Variants in PTPRT observed in about 807,000 individuals in gnomAD.
PTPRT encodes the protein protein tyrosine phosphatase receptor type T.
A neutral mutation model predicts 176.8 loss-of-function variants in PTPRT; 56 were observed. The ratio of observed to expected loss-of-function variants is 0.32; its 90% CI spans 0.26 to 0.40. The LOEUF (loss-of-function observed/expected upper bound fraction) is 0.40, where lower values mean the gene tolerates loss of function less well. Ranked by LOEUF, PTPRT falls within the 10% of genes least tolerant of loss-of-function variation. PTPRT has a pLI of 1.00. For synonymous variants in PTPRT, 783 were observed against 739.0 expected (o/e 1.06, Z -0.96); for missense variants, 1,540 against 1,908.2 (o/e 0.81, Z 3.60).
At chr20:42,243,937 T>C (rs1285792740) in intron 14 of PTPRT, among the ~76,000 whole-genome samples, 2 of 152,222 alleles carry the variant, frequency 1.3e-5, no homozygotes, top group African/African-American at 4.8e-5. Context: ...TGAGCATTGA[T>C]TGCAACCCTG....
At chr20:42,614,082 G>A (rs2074021698) in intron 7 of PTPRT, among the ~76,000 whole-genome samples, 1 of 152,084 alleles carries the variant, frequency 6.6e-6, no homozygotes, top group Non-Finnish European at 1.5e-5. Context: ...GGATTCCTTT[G>A]AAGGGCTGTG....
chr20:42,489,501 CCTGA>C (rs1200283168), intron 7 of PTPRT, among the ~76,000 whole-genome samples: 6 of 140,782 alleles, frequency 4.3e-5, no homozygotes, highest in Admixed American at 2.0e-4. Context: ...CCTAGCCTAT[CCTGA>C]CTTTTTTTTT....
In PTPRT at chr20:42,315,184, C is replaced by CAAAAAAAAAAAA. The variant is rs71193656; in HGVS notation, c.2139+527_2139+538dup. On this transcript the variant is annotated intron_variant, in intron 12 of 30. Coordinates refer to ENST00000373187, the MANE Select transcript of PTPRT (RefSeq NM_007050.6). ...TGGGCGACAGAGCGAGGCTCCGTCT[C>CAAAAAAAAAAAA]AAAAAAAAAAAAAAAAAAAAAAAAA... 1.6e-4 allele frequency among the ~76,000 whole-genome samples: 10 copies of CAAAAAAAAAAAA among 63,390 alleles called. No individual in the cohort carries two copies. The South Asian group carries it at 3.3e-3, about 21-fold the overall frequency. 41.6% of individuals were successfully genotyped at this position (63,390 alleles called of 152,430 possible). A position where few individuals can be genotyped will look rare whatever the true frequency, so the allele number is the denominator to read the frequency against.
chr20:42,186,594 C>A (rs1032102836), intron 16 of PTPRT, among the ~76,000 whole-genome samples: 3 of 151,914 alleles, frequency 2.0e-5, no homozygotes, highest in Admixed American at 6.6e-5. Flanking sequence ...AAGGACAAGA[C>A]CTGTATGTGA....
Position 43,023,244 on chromosome 20 carries a change from T to C in PTPRT, c.89-137312A>G, listed in dbSNP as rs142361301. ...AGCCCACTCCCCAAACAAGGTAGATTGCTCAGCCTCTGTGACTTGAAAAAC... is the reference window on the plus strand; with the variant it reads ...AGCCCACTCCCCAAACAAGGTAGATCGCTCAGCCTCTGTGACTTGAAAAAC... On this transcript the variant is annotated intron_variant, in intron 1 of 30. Coordinates refer to ENST00000373187, the MANE Select transcript of PTPRT (RefSeq NM_007050.6). 5.4e-3 allele frequency among the ~76,000 whole-genome samples: 824 copies of C among 152,318 alleles called. 12 individuals are homozygous for C. The highest frequency in any genetic ancestry group is 0.019 in the African/African-American group (776 of 41,558).
Position 42,084,681 on chromosome 20 carries a change from C to T in PTPRT, c.4136+1G>A. The stretch of plus-strand genomic sequence containing the variant: ...CCTGGTGACACCTCCCTAGTACTCA[C>T]AGGCAGTGGACCACAGTACGTCCCT... On this transcript the variant is annotated splice_donor_variant, in intron 29 of 30. Coordinates refer to ENST00000373187, the MANE Select transcript of PTPRT (RefSeq NM_007050.6). LOFTEE classifies it high-confidence loss of function. The T allele has an allele frequency of 6.6e-7, 1 of 1,507,010 alleles. No homozygotes were observed. The highest frequency in any genetic ancestry group is 8.9e-7 in the Non-Finnish European group (1 of 1,118,506). The allele number at this position is 1,507,010 out of a possible 1,614,324, so 93.4% of individuals were successfully genotyped here. A position where few individuals can be genotyped will look rare whatever the true frequency, so the allele number is the denominator to read the frequency against.
Position 42,569,998 on chromosome 20 carries a change from C to T in PTPRT, c.1154-97436G>A, listed in dbSNP as rs146257825. On this transcript the variant is annotated intron_variant, in intron 7 of 30. Transcript: ENST00000373187. Reference sequence around the variant, plus strand: ...GACCAGAAGGTTTAAGTAACTTGCCCAACATTTTATAGAAAGAATGAAGCT... The same window carrying T: ...GACCAGAAGGTTTAAGTAACTTGCCTAACATTTTATAGAAAGAATGAAGCT... Among the ~76,000 whole-genome samples, 306 of 152,226 alleles carry T rather than the reference C, an allele frequency of 2.0e-3. 2 individuals carry two copies. The highest frequency in any genetic ancestry group is 6.3e-3 in the African/African-American group (260 of 41,528).
In PTPRT at chr20:42,975,245, A is replaced by G. The variant is rs540072838; in HGVS notation, c.89-89313T>C. Among the ~76,000 whole-genome samples, 7 of 152,352 alleles carry G rather than the reference A, an allele frequency of 4.6e-5. No individual in the cohort carries two copies. The South Asian group carries it at 1.5e-3, about 32-fold the overall frequency. On this transcript the variant is annotated intron_variant, in intron 1 of 30. Coordinates refer to ENST00000373187, the MANE Select transcript of PTPRT (RefSeq NM_007050.6). Reference sequence around the variant, plus strand: ...TGCAGCCACTCAAAGCTATTTTTACAAAGAGTTTTTAATAACATGAGAGAA... The same window carrying G: ...TGCAGCCACTCAAAGCTATTTTTACGAAGAGTTTTTAATAACATGAGAGAA...
chr20:42,948,462 A>G (rs1981026856), intron 1 of PTPRT, among the ~76,000 whole-genome samples: 1 of 152,182 alleles, frequency 6.6e-6, no homozygotes, highest in Admixed American at 6.5e-5. Flanking sequence ...AGGGATGGTC[A>G]TGTGGCCCAA....
intron 7 of PTPRT, among the ~76,000 whole-genome samples, chr20:42,581,786 T>C (rs551003619): frequency 6.6e-6 from 1 of 152,278 alleles, no homozygotes; most frequent in South Asian, 2.1e-4. Context: ...GTTTAAAACA[T>C]CGCAATTGTA....
At chr20:43,039,435 A>G (rs897261326) in intron 1 of PTPRT, among the ~76,000 whole-genome samples, 7 of 151,996 alleles carry the variant, frequency 4.6e-5, no homozygotes, top group African/African-American at 1.7e-4. Flanking sequence ...TAAATTTATA[A>G]AAGGAAGAGA....
intron 7 of PTPRT, among the ~76,000 whole-genome samples, chr20:42,582,621 GCA>G (rs753954209): frequency 3.3e-5 from 5 of 152,106 alleles, no homozygotes; most frequent in Admixed American, 2.6e-4. Flanking sequence ...TTCAAAATTT[GCA>G]CAGAGACTCC....
chr20:43,009,663 G>A (rs577276818), intron 1 of PTPRT, among the ~76,000 whole-genome samples: 1 of 152,286 alleles, frequency 6.6e-6, no homozygotes, highest in Non-Finnish European at 1.5e-5. Flanking sequence ...GTGACGCGTA[G>A]GCAGGAAAGT....
At chr20:42,635,343 T>G (rs759152234) in intron 7 of PTPRT, among the ~76,000 whole-genome samples, 1 of 152,038 alleles carries the variant, frequency 6.6e-6, no homozygotes, top group Non-Finnish European at 1.5e-5. Flanking sequence ...TATTTTAAAT[T>G]CCATGCAATG....
intron 16 of PTPRT, among the ~76,000 whole-genome samples, chr20:42,170,246 T>C (rs1990020799): frequency 6.6e-6 from 1 of 152,240 alleles, no homozygotes; most frequent in African/African-American, 2.4e-5. Context: ...ACTCTAACAC[T>C]TGACTTCCTG....
At chr20:42,527,829 A>T (rs111522593) in intron 7 of PTPRT, among the ~76,000 whole-genome samples, 2 of 152,370 alleles carry the variant, frequency 1.3e-5, no homozygotes, top group African/African-American at 4.8e-5. Context: ...CAGCTTTCCA[A>T]TAGGCAGTTT....
intron 3 of PTPRT, among the ~76,000 whole-genome samples, chr20:42,781,654 G>A (rs1019578691): frequency 5.9e-5 from 9 of 152,018 alleles, no homozygotes; most frequent in Admixed American, 4.6e-4. Context: ...TTGTGTTTCA[G>A]TAACACTTAA....
chr20:42,415,234 T>A (rs989114755), intron 9 of PTPRT, among the ~76,000 whole-genome samples: 6 of 152,134 alleles, frequency 3.9e-5, no homozygotes, highest in African/African-American at 1.4e-4. Context: ...CAGGGTGGAG[T>A]GCAGTGGTGT....
intron 12 of PTPRT, among the ~76,000 whole-genome samples, chr20:42,290,387 T>C (rs1334438625): frequency 6.6e-6 from 1 of 152,052 alleles, no homozygotes; most frequent in Non-Finnish European, 1.5e-5. Flanking sequence ...TGTTGAGAAA[T>C]GCTTCTACTC....
Sources: gnomAD v4.1 joint callset for allele counts (sites outside exome capture counted in the v4.1 genomes callset) on GRCh38, gnomAD v4.1.1 for gene constraint, MANE v1.5 for transcripts, NCBI Gene and HGNC (gene_info 2026-07-23, HGNC 2026-07-21) for gene names.